Variants in DPH6 observed in about 807,000 individuals in gnomAD.
DPH6 encodes the protein diphthine--ammonia ligase.
Under a neutral mutation model 38.2 loss-of-function variants are expected in DPH6, and 33 were observed. The ratio of observed to expected loss-of-function variants is 0.86; its 90% CI spans 0.65 to 1.15. DPH6 has a LOEUF of 1.15. DPH6 is among the 50% of genes most tolerant of loss of function. The pLI, the probability that DPH6 is intolerant of heterozygous loss-of-function variation, is 0.00. For missense variants in DPH6, 325 were observed against 320.0 expected (o/e 1.02, Z -0.12); for synonymous variants, 108 against 103.0 (o/e 1.05, Z -0.30).
chr15:35,512,338 A>G (rs2054786258), intron 3 of DPH6, among the ~76,000 whole-genome samples: 1 of 152,064 alleles, frequency 6.6e-6, no homozygotes, highest in Non-Finnish European at 1.5e-5. Flanking sequence ...GCTAGTTGGA[A>G]AACAGAACCT....
At chr15:35,184,716 G>A in the DPH6 span, among the ~76,000 whole-genome samples, 3 of 152,122 alleles carry the variant, frequency 2.0e-5, no homozygotes, top group East Asian at 5.8e-4. Flanking sequence ...ACTAATTAGA[G>A]CATGCCCTTA....
chr15:35,436,507 AACAAAAC>A lies in DPH6; in HGVS notation c.505+14171_505+14177del, dbSNP rs773326620. Among the ~76,000 whole-genome samples, 65 of 10,574 alleles carry A rather than the reference AACAAAAC, an allele frequency of 6.1e-3. 4 individuals are homozygous for A. The highest frequency in any genetic ancestry group is 0.012 in the African/African-American group (60 of 4,948). The allele number at this position is 10,574 out of a possible 152,430, so 6.9% of individuals were successfully genotyped here. A position where few individuals can be genotyped will look rare whatever the true frequency, so the allele number is the denominator to read the frequency against. On this transcript the variant is annotated intron_variant, in intron 5 of 8. Coordinates refer to ENST00000256538, the MANE Select transcript of DPH6 (RefSeq NM_080650.4). ...AACAAAACAAAACAAAACAAAACAAAACAAAACAAAAAAGGTTCTCTCCCTGTTCGTC... is the reference window on the plus strand; with the variant it reads ...AACAAAACAAAACAAAACAAAACAAAAAAAAAGGTTCTCTCCCTGTTCGTC...
the DPH6 span, among the ~76,000 whole-genome samples, chr15:35,178,507 T>C: frequency 2.0e-5 from 3 of 152,182 alleles, no homozygotes; most frequent in South Asian, 6.2e-4. Flanking sequence ...CCCGCCCCCA[T>C]GATTCAATTA....
chr15:35,454,160 G>A (rs187919512), intron 4 of DPH6, among the ~76,000 whole-genome samples: 6 of 152,150 alleles, frequency 3.9e-5, no homozygotes, highest in Non-Finnish European at 8.8e-5. Flanking sequence ...AGAATTGACC[G>A]TTTTGGTATG....
the DPH6 span, among the ~76,000 whole-genome samples, chr15:35,172,149 A>G: frequency 6.6e-6 from 1 of 152,192 alleles, no homozygotes; most frequent in Non-Finnish European, 1.5e-5. Flanking sequence ...TACAGGCATG[A>G]GCCACCACGC....
intron 3 of DPH6, among the ~76,000 whole-genome samples, chr15:35,307,262 C>T (rs2052099597): frequency 6.6e-6 from 1 of 152,048 alleles, no homozygotes; most frequent in African/African-American, 2.4e-5. Flanking sequence ...AAGAGCACAT[C>T]ATCTCTCACT....
downstream of DPH6, among the ~76,000 whole-genome samples, chr15:35,215,003 G>A (rs2051404291): frequency 6.6e-6 from 1 of 152,190 alleles, no homozygotes; most frequent in Non-Finnish European, 1.5e-5. Context: ...ATGAAAGTCA[G>A]ATTAGGCCAG....
chr15:35,500,328 C>G (rs1161125224), intron 3 of DPH6, among the ~76,000 whole-genome samples: 1 of 152,122 alleles, frequency 6.6e-6, no homozygotes, highest in East Asian at 1.9e-4. Flanking sequence ...TTGTTGATGA[C>G]TATACTCTCG....
chr15:35,177,609 C>CAAAAAAAAAA, the DPH6 span, among the ~76,000 whole-genome samples: 1 of 126,536 alleles, frequency 7.9e-6, no homozygotes. Context: ...AAATCATCAT[C>CAAAAAAAAAA]ATCATCATCA....
intron 3 of DPH6, among the ~76,000 whole-genome samples, chr15:35,463,478 C>A (rs1291148132): frequency 6.6e-6 from 1 of 151,988 alleles, no homozygotes; most frequent in African/African-American, 2.4e-5. Context: ...AACTGTGGTA[C>A]ATTTGGAAGA....
intron 3 of DPH6, among the ~76,000 whole-genome samples, chr15:35,314,490 C>T (rs529712966): frequency 1.4e-4 from 21 of 152,260 alleles, no homozygotes; most frequent in East Asian, 1.4e-3. Flanking sequence ...ACATCAACAA[C>T]GCATTTGGTC....
At chr15:35,538,647 T>G (rs2055208726) in intron 2 of DPH6, among the ~76,000 whole-genome samples, 180 bp from the exon 3 acceptor site, 1 of 152,192 alleles carries the variant, frequency 6.6e-6, no homozygotes, top group African/African-American at 2.4e-5. Context: ...TGTCTGTAGT[T>G]GCATCTAGTT....
intron 3 of DPH6, among the ~76,000 whole-genome samples, chr15:35,272,861 C>T (rs1264828094): frequency 4.0e-5 from 6 of 151,594 alleles, no homozygotes; most frequent in Admixed American, 2.0e-4. Flanking sequence ...GAGCCGAGAT[C>T]GCACCACTGC....
chr15:35,332,843 C>T (rs79310336), intron 3 of DPH6, among the ~76,000 whole-genome samples: 4,892 of 151,836 alleles, frequency 0.032, 251 homozygotes, highest in African/African-American at 0.11. Flanking sequence ...TACAATTACA[C>T]TACAAAGCAA....
At chr15:35,256,414 T>C (rs2051708521) in intron 3 of DPH6, among the ~76,000 whole-genome samples, 1 of 152,242 alleles carries the variant, frequency 6.6e-6, no homozygotes, top group Non-Finnish European at 1.5e-5. Context: ...GTTTTTCTCA[T>C]GGTTAAACCA....
chr15:35,369,199 C>T (rs770545663), downstream of DPH6, among the ~76,000 whole-genome samples: 2 of 151,542 alleles, frequency 1.3e-5, no homozygotes, highest in Non-Finnish European at 3.0e-5. Context: ...GAAAAAAGGC[C>T]AACAGCAGTT....
At chr15:35,439,200 C>T (rs2053754982) in intron 5 of DPH6, among the ~76,000 whole-genome samples, 1 of 152,142 alleles carries the variant, frequency 6.6e-6, no homozygotes, top group African/African-American at 2.4e-5. Context: ...GAATATCAAA[C>T]AGAACACGAG....
At chr15:35,504,362 C>G (rs573035852) in intron 3 of DPH6, among the ~76,000 whole-genome samples, 1 of 152,132 alleles carries the variant, frequency 6.6e-6, no homozygotes, top group African/African-American at 2.4e-5. Flanking sequence ...AATGTTCTCT[C>G]AGTTTGGAAA....
At position 35,435,150 on chromosome 15, in the gene DPH6, G is replaced by A. The variant is rs991421169; in HGVS notation, c.505+15535C>T. 3.9e-5 allele frequency among the ~76,000 whole-genome samples: 6 copies of A among 152,042 alleles called. No individual in the cohort carries two copies. In the East Asian group the frequency reaches 9.7e-4, roughly 24 times the overall value. On this transcript the variant is annotated intron_variant, in intron 5 of 8. Transcript: ENST00000256538. ...AAAAACTTCCTTCCCCAGTAGAATG[G>A]TCGATTATCTACACGACCCTTCCAC...
Sources: gnomAD v4.1 joint callset for allele counts (sites outside exome capture counted in the v4.1 genomes callset) on GRCh38, gnomAD v4.1.1 for gene constraint, MANE v1.5 for transcripts, NCBI Gene and HGNC (gene_info 2026-07-23, HGNC 2026-07-21) for gene names.